The following GRID2 variants were observed in gnomAD, a reference collection of about 807,000 sequenced individuals.
GRID2 encodes the protein glutamate ionotropic receptor delta type subunit 2.
A neutral mutation model predicts 114.8 loss-of-function variants in GRID2; 33 were observed. The observed-to-expected ratio is 0.29, with a 90% CI of 0.22 to 0.38. The LOEUF (loss-of-function observed/expected upper bound fraction) is 0.38. Among genes scored for constraint, GRID2 ranks in the 10% least tolerant of loss-of-function variants. The pLI is 1.00. For synonymous variants in GRID2, 505 were observed against 449.9 expected (o/e 1.12, Z -1.55); for missense variants, 1,184 against 1,257.7 (o/e 0.94, Z 0.89).
intron 1 of GRID2, among the ~76,000 whole-genome samples, chr4:93,803,651 G>C (rs980326763): frequency 1.3e-5 from 2 of 152,070 alleles, no homozygotes; most frequent in Admixed American, 1.3e-4. Context: ...GAACCCAGGA[G>C]ATGGAGGCTG....
At chr4:93,382,950 T>G (rs1286754681) in intron 8 of GRID2, among the ~76,000 whole-genome samples, 1 of 151,870 alleles carries the variant, frequency 6.6e-6, no homozygotes, top group East Asian at 1.9e-4. Flanking sequence ...ACTGTCTCTG[T>G]GCAAAGGATC....
Position 92,590,188 on chromosome 4 carries a change from G to C in GRID2, c.146G>C (p.Gly49Ala). The C allele has an allele frequency of 1.9e-6, 3 of 1,611,576 alleles. No individual in the cohort carries two copies. The highest frequency in any genetic ancestry group is 2.5e-6 in the Non-Finnish European group (3 of 1,177,790). ...KDDEVFRTAVGDLNQNEEILQ... is the reference protein window; with the variant it reads ...KDDEVFRTAVADLNQNEEILQ... ...GATGAGGTATTTCGCACTGCGGTTGGTGACCTTAACCAGAATGAGGAGATC... is the reference window on the plus strand; with the variant it reads ...GATGAGGTATTTCGCACTGCGGTTGCTGACCTTAACCAGAATGAGGAGATC... The change falls in exon 2 of 16, where the codon GGT becomes GCT. Residue 49 changes from glycine to alanine, a missense_variant. Transcript: ENST00000282020.
intron 2 of GRID2, among the ~76,000 whole-genome samples, chr4:92,819,559 A>G (rs565795940): frequency 6.6e-6 from 1 of 152,152 alleles, no homozygotes; most frequent in Non-Finnish European, 1.5e-5. Context: ...TAAGATGGGG[A>G]TAAACTAAAG....
intron 2 of GRID2, among the ~76,000 whole-genome samples, chr4:92,845,648 G>T (rs1464219004): frequency 6.6e-6 from 1 of 151,976 alleles, no homozygotes; most frequent in African/African-American, 2.4e-5. Context: ...TGGATATCAG[G>T]TGCACACCTG....
At chr4:93,414,300 G>C (rs1767492267) in intron 9 of GRID2, among the ~76,000 whole-genome samples, 1 of 152,072 alleles carries the variant, frequency 6.6e-6, no homozygotes, top group African/African-American at 2.4e-5. Flanking sequence ...CAACTGTCTA[G>C]TAAACTGTGA....
intron 2 of GRID2, among the ~76,000 whole-genome samples, chr4:92,841,970 C>T (rs1281518772): frequency 2.6e-5 from 4 of 152,016 alleles, no homozygotes; most frequent in African/African-American, 9.7e-5. Flanking sequence ...GAATAAGGCT[C>T]CTTAACTGGC....
At chr4:92,954,773 A>C (rs1279088841) in intron 2 of GRID2, among the ~76,000 whole-genome samples, 12 of 82,192 alleles carry the variant, frequency 1.5e-4, no homozygotes, top group South Asian at 4.9e-4. Context: ...CCCTCCCCCC[A>C]CCCCACAAGA....
Position 92,781,564 on chromosome 4 carries a change from G to A in GRID2, c.244+191278G>A, listed in dbSNP as rs573879060. On this transcript the variant is annotated intron_variant, in intron 2 of 15. Coordinates refer to ENST00000282020, the MANE Select transcript of GRID2 (RefSeq NM_001510.4). ...AATGATAGAGATGGTTGGAAATTCCGTGTTATGATTTTTTAAATGCCAAAT... is the reference window on the plus strand; with the variant it reads ...AATGATAGAGATGGTTGGAAATTCCATGTTATGATTTTTTAAATGCCAAAT... Among the ~76,000 whole-genome samples, 15 of 152,026 alleles carry A rather than the reference G, an allele frequency of 9.9e-5. No individual in the cohort carries two copies. The South Asian group carries it at 2.3e-3, about 23-fold the overall frequency.
intron 2 of GRID2, among the ~76,000 whole-genome samples, chr4:92,951,558 G>T (rs1240341601): frequency 6.6e-6 from 1 of 151,924 alleles, no homozygotes; most frequent in East Asian, 1.9e-4. Context: ...GCCCAGGCTG[G>T]TCTCAAGCGA....
intron 4 of GRID2, among the ~76,000 whole-genome samples, chr4:93,160,859 C>T (rs781635174): frequency 2.0e-5 from 3 of 151,752 alleles, no homozygotes; most frequent in African/African-American, 7.3e-5. Flanking sequence ...ATCTACTGAA[C>T]CTGAATCTGC....
chr4:92,563,498 G>A lies in GRID2; in HGVS notation c.89-26633G>A, dbSNP rs149911926. On this transcript the variant is annotated intron_variant, in intron 1 of 15. Coordinates refer to ENST00000282020, the MANE Select transcript of GRID2 (RefSeq NM_001510.4). ...TTTTCTCTAAGAGCTACTATTTTCC[G>A]TTGCAAAAATAGCAGGAGAGGATTA... is the stretch of plus-strand genomic sequence containing the variant. Among the ~76,000 whole-genome samples the A allele has an allele frequency of 1.8e-3, 274 of 152,032 alleles. 2 individuals are homozygous for A. The highest frequency in any genetic ancestry group is 6.0e-3 in the African/African-American group (251 of 41,502).
intron 1 of GRID2, among the ~76,000 whole-genome samples, chr4:92,460,404 C>T (rs2149087290): frequency 6.6e-6 from 1 of 152,084 alleles, no homozygotes; most frequent in Admixed American, 6.6e-5. Context: ...CCTCTCTTTA[C>T]TTCTCCCTTC....
intron 5 of GRID2, among the ~76,000 whole-genome samples, chr4:93,210,367 G>T (rs912361590): frequency 1.2e-4 from 18 of 151,884 alleles, no homozygotes; most frequent in African/African-American, 1.9e-4. Context: ...ATTGCTTATT[G>T]TTGTCAGCTT....
intron 2 of GRID2, among the ~76,000 whole-genome samples, chr4:92,991,690 C>T (rs1448635796): frequency 1.3e-5 from 2 of 151,976 alleles, no homozygotes; most frequent in Admixed American, 6.6e-5. Flanking sequence ...AGGATTTTAT[C>T]GCTTGCCAAA....
At chr4:93,656,122 A>G in intron 14 of GRID2, among the ~76,000 whole-genome samples, 1 of 151,920 alleles carries the variant, frequency 6.6e-6, no homozygotes, top group Middle Eastern at 3.5e-3. Flanking sequence ...TAAAATATCC[A>G]TTTTATTTGA....
chr4:92,611,145 C>CAT (rs1560488224), intron 2 of GRID2, among the ~76,000 whole-genome samples: 1 of 121,192 alleles, frequency 8.3e-6, no homozygotes, highest in African/African-American at 3.7e-5. Context: ...TGTGTGTGTG[C>CAT]ATGTGTGTGT....
chr4:92,454,709 G>A (rs368518801), intron 1 of GRID2, among the ~76,000 whole-genome samples: 2 of 152,276 alleles, frequency 1.3e-5, no homozygotes, highest in Admixed American at 1.3e-4. Context: ...GTTGGCAGGC[G>A]CCTGTAGTCC....
At chr4:92,397,963 GT>G (rs1271304747) in intron 1 of GRID2, among the ~76,000 whole-genome samples, 3 of 152,104 alleles carry the variant, frequency 2.0e-5, no homozygotes, top group Admixed American at 6.6e-5. Context: ...GTTCACACAG[GT>G]GCTTCAGACT....
chr4:93,325,909 G>A (rs929548553), intron 8 of GRID2, among the ~76,000 whole-genome samples: 1 of 151,986 alleles, frequency 6.6e-6, no homozygotes, highest in East Asian at 1.9e-4. Flanking sequence ...TTTATTTGAG[G>A]CCTGAAGTTG....
Sources: allele counts gnomAD v4.1 joint callset (sites outside exome capture counted in the v4.1 genomes callset), GRCh38; gene constraint gnomAD v4.1.1; transcripts MANE v1.5; gene names NCBI Gene and HGNC (gene_info 2026-07-23, HGNC 2026-07-21).